The following DRGX variants were observed in gnomAD, a reference collection of about 807,000 sequenced individuals.
The protein encoded by DRGX is dorsal root ganglia homeobox protein.
Under a neutral mutation model 28.6 loss-of-function variants are expected in DRGX, and 21 were observed. The observed-to-expected ratio is 0.73, with a 90% CI of 0.52 to 1.06. The LOEUF (loss-of-function observed/expected upper bound fraction) is 1.06. DRGX is among the 50% of genes least tolerant of loss of function. The probability of loss-of-function intolerance (pLI) is 0.00; values close to 1 mark genes in which losing one functional copy is unlikely to be tolerated. For missense variants in DRGX, 354 were observed against 343.9 expected (o/e 1.03, Z -0.23); for synonymous variants, 136 against 139.1 (o/e 0.98, Z 0.16).
rs1849573973 is a variant in DRGX at position 49,364,255 on chromosome 10, A to ATCAT, written c.*1860_*1861insATGA. 1 of 152,188 alleles carries ATCAT rather than the reference A, an allele frequency of 6.6e-6. No individual in the cohort carries two copies. The highest frequency in any genetic ancestry group is 2.1e-4 in the South Asian group (1 of 4,830). The allele number at this position is 152,188 out of a possible 1,614,324, so 9.4% of individuals were successfully genotyped here. A position where few individuals can be genotyped will look rare whatever the true frequency, so the allele number is the denominator to read the frequency against. On this transcript the variant is annotated 3_prime_UTR_variant, in exon 7 of 7. Coordinates refer to ENST00000374139, the MANE Select transcript of DRGX (RefSeq NM_001276451.2). ...TATGATCCAGTTTTGCACAGTCACT[A>ATCAT]GAGTGTCGCATCATGAATTATTAAA...
intron 6 of DRGX, among the ~76,000 whole-genome samples, chr10:49,384,809 A>G (rs1373690619): frequency 6.6e-6 from 1 of 152,156 alleles, no homozygotes; most frequent in Non-Finnish European, 1.5e-5. Context: ...TCTAGTCCTC[A>G]AGCCCCCTTC....
At chr10:49,388,157 G>T (rs1374706766) in intron 4 of DRGX, among the ~76,000 whole-genome samples, 2 of 152,208 alleles carry the variant, frequency 1.3e-5, no homozygotes, top group Non-Finnish European at 2.9e-5. Flanking sequence ...AACCAAAATT[G>T]TATTCTGTAG....
At chr10:49,382,976 C>T (rs147241717) in intron 6 of DRGX, among the ~76,000 whole-genome samples, 11 of 152,244 alleles carry the variant, frequency 7.2e-5, no homozygotes, top group African/African-American at 1.7e-4. Flanking sequence ...CTGACTATGC[C>T]GCAAGCACAC....
At chr10:49,386,063 C>T (rs1199432943) in intron 6 of DRGX, among the ~76,000 whole-genome samples, 1 of 151,906 alleles carries the variant, frequency 6.6e-6, no homozygotes, top group Non-Finnish European at 1.5e-5. Context: ...CCTCTGGCAT[C>T]AGGAGACCTG....
intron 2 of DRGX, among the ~76,000 whole-genome samples, chr10:49,392,065 A>C (rs1021853431): frequency 9.2e-5 from 14 of 152,240 alleles, no homozygotes; most frequent in Admixed American, 7.9e-4. Flanking sequence ...TTATAAACGC[A>C]GAACAGAGTT....
chr10:49,392,974 A>T (rs1849926402), intron 2 of DRGX, among the ~76,000 whole-genome samples: 2 of 152,262 alleles, frequency 1.3e-5, no homozygotes. Flanking sequence ...CACCATTTGT[A>T]GGAGTACAAA....
intron 6 of DRGX, among the ~76,000 whole-genome samples, chr10:49,375,642 G>A (rs1162790912): frequency 6.8e-6 from 1 of 146,178 alleles, no homozygotes; most frequent in East Asian, 1.9e-4. Flanking sequence ...ACTCATTGAT[G>A]GGGGCCAACT....
intron 2 of DRGX, among the ~76,000 whole-genome samples, chr10:49,392,847 T>A (rs1471261901): frequency 6.6e-6 from 1 of 152,196 alleles, no homozygotes; most frequent in Non-Finnish European, 1.5e-5. Context: ...ACCTTGAGGA[T>A]AATTCAACCA....
At position 49,382,198 on chromosome 10, in the gene DRGX, C is replaced by T. The variant is rs111839786; in HGVS notation, c.526+4280G>A. Among the ~76,000 whole-genome samples, 1,007 of 152,298 alleles carry T rather than the reference C, an allele frequency of 6.6e-3. 8 individuals carry two copies. Among genetic ancestry groups the T allele is most frequent in the African/African-American group, 0.022 (928 of 41,564 alleles). ...AATGAAAAAGTGGTGTCTGGTAGTG[C>T]CAGGCAGGGAGGGAAGGACACATCA... On this transcript the variant is annotated intron_variant, in intron 6 of 6. Transcript: ENST00000374139.
At position 49,366,292 on chromosome 10, in the gene DRGX, C is replaced by A; in HGVS notation, c.616G>T (p.Val206Leu). The change falls in exon 7 of 7, where the codon GTG (valine) becomes TTG (leucine). Residue 206 changes from valine to leucine, a missense_variant. Transcript: ENST00000374139. ...YGCQSNRTASVATLRMKAREH... is the reference protein window; with the variant it reads ...YGCQSNRTASLATLRMKAREH... ...CGGGCCTTCATGCGCAGGGTGGCCACGCTGGCCGTGCGGTTACTCTGGCAG... is the reference window on the plus strand; with the variant it reads ...CGGGCCTTCATGCGCAGGGTGGCCAAGCTGGCCGTGCGGTTACTCTGGCAG... 1 of 1,613,892 alleles carries A rather than the reference C, an allele frequency of 6.2e-7. No individual in the cohort carries two copies. Among genetic ancestry groups the A allele is most frequent in the South Asian group, 1.1e-5 (1 of 91,086 alleles).
chr10:49,369,030 A>G (rs1291922995), intron 6 of DRGX, among the ~76,000 whole-genome samples: 2 of 152,146 alleles, frequency 1.3e-5, no homozygotes, highest in African/African-American at 4.8e-5. Flanking sequence ...CCCAGTCAAG[A>G]GCTTGCTCCA....
chr10:49,379,721 C>G (rs1039250570), intron 6 of DRGX, among the ~76,000 whole-genome samples: 11 of 152,254 alleles, frequency 7.2e-5, no homozygotes, highest in Non-Finnish European at 1.3e-4. Context: ...CCTGAACATC[C>G]TTCCCCTCAT....
rs1849956765 is a variant in DRGX at position 49,395,418 on chromosome 10, G to A, written c.23C>T (p.Pro8Leu). 6.5e-7 allele frequency: 1 copy of A among 1,550,230 alleles called. No homozygotes were observed. Among genetic ancestry groups the A allele is most frequent in the Admixed American group, 2.0e-5 (1 of 50,988 alleles). Residue 8 changes from proline (P) to leucine (L), a missense_variant, in exon 2 of 7, where the codon CCA becomes CTA. Coordinates refer to ENST00000374139, the MANE Select transcript of DRGX (RefSeq NM_001276451.2). ...CAGCGCTTACTTACCCTCTAGCTGT[G>A]GCGGGCAGTGGAAATAAAACATCGC... MFYFHCP[P>L]QLEGTATFGN...
Position 49,377,892 on chromosome 10 carries a change from C to A in DRGX, c.526+8586G>T, listed in dbSNP as rs114466103. On this transcript the variant is annotated intron_variant, in intron 6 of 6. Transcript: ENST00000374139. The stretch of plus-strand genomic sequence containing the variant: ...CAGTTAAATAAAACCATACCAAAAC[C>A]TGGAATGGAGATTATAAGAAAAAAA... Among the ~76,000 whole-genome samples the A allele has an allele frequency of 5.9e-3, 896 of 152,156 alleles. 10 individuals are homozygous for A. Among genetic ancestry groups the A allele is most frequent in the African/African-American group, 0.02 (845 of 41,506 alleles).
intron 6 of DRGX, among the ~76,000 whole-genome samples, chr10:49,373,354 C>T (rs1345589451): frequency 1.3e-5 from 2 of 152,104 alleles, no homozygotes; most frequent in Non-Finnish European, 1.5e-5. Flanking sequence ...AGTAAATAAA[C>T]AATAAGTCAT....
At chr10:49,368,085 C>T (rs1399218824) in intron 6 of DRGX, among the ~76,000 whole-genome samples, 1 of 152,208 alleles carries the variant, frequency 6.6e-6, no homozygotes, top group African/African-American at 2.4e-5. Context: ...TCTTCCTTGC[C>T]AAGCCTGCTG....
rs374285988 is a variant in DRGX at position 49,386,729 on chromosome 10, G to T, written c.364C>A (p.Pro122Thr). 1.2e-6 allele frequency: 2 copies of T among 1,603,318 alleles called. No individual in the cohort carries two copies. Among genetic ancestry groups the T allele is most frequent in the African/African-American group, 2.7e-5 (2 of 74,576 alleles). ...TTCTTACTCCGGGCTTGGTCCCCAG[G>T]GGGCGGGGAGTTGATGTTTCTCACT... is the stretch of plus-strand genomic sequence containing the variant. The part of the protein sequence containing the change: ...PPVRNINSPP[P>T]GDQARSKKEA... The change falls in exon 5 of 7, where the codon CCT becomes ACT. Residue 122 changes from proline to threonine, a missense_variant. Pro to Thr is a conservative substitution (Grantham distance 38, BLOSUM62 -1). Coordinates refer to ENST00000374139, the MANE Select transcript of DRGX (RefSeq NM_001276451.2).
chr10:49,371,668 T>A (rs1402110036), intron 6 of DRGX, among the ~76,000 whole-genome samples: 1 of 151,906 alleles, frequency 6.6e-6, no homozygotes, highest in Non-Finnish European at 1.5e-5. Flanking sequence ...GGTGTGCTCC[T>A]GTAATCCCAG....
At chr10:49,370,475 A>C (rs1849647800) in intron 6 of DRGX, among the ~76,000 whole-genome samples, 1 of 152,170 alleles carries the variant, frequency 6.6e-6, no homozygotes, top group Non-Finnish European at 1.5e-5. Flanking sequence ...TCTGCACCCC[A>C]AGCCTGGACT....
Sources: allele counts gnomAD v4.1 joint callset (sites outside exome capture counted in the v4.1 genomes callset), GRCh38; gene constraint gnomAD v4.1.1; transcripts MANE v1.5; gene names NCBI Gene and HGNC (gene_info 2026-07-23, HGNC 2026-07-21).